The following PDE5A variants were observed in gnomAD, a reference collection of about 807,000 sequenced individuals.
PDE5A encodes cGMP-specific 3',5'-cyclic phosphodiesterase.
In PDE5A, 67 loss-of-function variants were observed where a neutral mutation model predicts 110.2. The ratio of observed to expected loss-of-function variants is 0.61; its 90% CI spans 0.50 to 0.75. The LOEUF is 0.75. PDE5A is among the 30% of genes least tolerant of loss of function. PDE5A has a pLI of 0.00. For missense variants in PDE5A, 862 were observed against 1,045.1 expected, an observed-to-expected ratio of 0.82 and a Z score of 2.42; for synonymous variants, 328 against 351.2, an observed-to-expected ratio of 0.93 and a Z score of 0.74.
At chr4:119,601,695 T>C (rs562976453) in intron 2 of PDE5A, among the ~76,000 whole-genome samples, 4 of 152,266 alleles carry the variant, frequency 2.6e-5, no homozygotes, top group African/African-American at 9.6e-5. Flanking sequence ...GGCAGGCTTG[T>C]GGGATTGAGC....
At chr4:119,526,494 A>G (rs192023783) in intron 11 of PDE5A, among the ~76,000 whole-genome samples, 6 of 152,220 alleles carry the variant, frequency 3.9e-5, no homozygotes. Context: ...CTGACCTTGG[A>G]CCATTTACCC....
chr4:119,518,284 T>C (rs2110467730), intron 14 of PDE5A, among the ~76,000 whole-genome samples: 1 of 152,292 alleles, frequency 6.6e-6, no homozygotes, highest in East Asian at 1.9e-4. Context: ...TAAATTCCTG[T>C]AAGAAAATAA....
In PDE5A at chr4:119,506,540, T is replaced by C. The variant is rs551393136; in HGVS notation, c.2190-608A>G. Among the ~76,000 whole-genome samples the C allele has an allele frequency of 2.6e-5, 4 of 151,702 alleles. No homozygotes were observed. In the South Asian group the frequency reaches 8.3e-4, roughly 31 times the overall value. On this transcript the variant is annotated intron_variant, in intron 16 of 20. Transcript: ENST00000354960. ...TAATATCTACCTGGAGACACAAGAC[T>C]CAAGAAAAACTTACGTAATAAAACT...
At chr4:119,524,064 C>T (rs1159094428) in intron 12 of PDE5A, among the ~76,000 whole-genome samples, 1 of 151,996 alleles carries the variant, frequency 6.6e-6, no homozygotes, top group Admixed American at 6.6e-5. Flanking sequence ...CTGACATGGA[C>T]TCTACACCTG....
intron 3 of PDE5A, among the ~76,000 whole-genome samples, chr4:119,571,896 G>A (rs76411165): frequency 0.012 from 1,813 of 152,240 alleles, 16 homozygotes; most frequent in Middle Eastern, 0.02. Flanking sequence ...TTGGGGCACT[G>A]TTGTGCATAC....
At chr4:119,511,009 C>T (rs1385515179) in intron 15 of PDE5A, 38 bp downstream of exon 15, 1 of 1,141,048 alleles carries the variant, frequency 8.8e-7, no homozygotes, top group South Asian at 1.5e-5. Flanking sequence ...TTATAAAGCT[C>T]TCTTTTAAAA....
chr4:119,581,219 C>T (rs1461964445), intron 3 of PDE5A, among the ~76,000 whole-genome samples: 2 of 151,538 alleles, frequency 1.3e-5, no homozygotes, highest in Non-Finnish European at 2.9e-5. Flanking sequence ...TGGTAAAAAG[C>T]AAGTTTTGTG....
chr4:119,592,456 T>TAAAAAAAAAAAAAAAA lies in PDE5A; in HGVS notation c.831+4051_831+4066dup, dbSNP rs55997249. On this transcript the variant is annotated intron_variant, in intron 3 of 20. Coordinates refer to ENST00000354960, the MANE Select transcript of PDE5A (RefSeq NM_001083.4). ...CTGGGTGACAGAGCGAGACTCTGTT[T>TAAAAAAAAAAAAAAAA]AAAAAAAAAAAAAAAAAAAAAAAAA... Among the ~76,000 whole-genome samples the TAAAAAAAAAAAAAAAA allele has an allele frequency of 3.6e-4, 24 of 66,180 alleles. 3 individuals carry two copies. Among genetic ancestry groups the TAAAAAAAAAAAAAAAA allele is most frequent in the African/African-American group, 1.4e-3 (22 of 15,316 alleles). The allele number at this position is 66,180 out of a possible 152,430, so 43.4% of individuals were successfully genotyped here.
chr4:119,548,449 T>G (rs1382948984), intron 9 of PDE5A: 1 of 152,262 alleles, frequency 6.6e-6, no homozygotes, highest in African/African-American at 2.4e-5. Context: ...AGTTTTAATT[T>G]TACTCAATGA....
chr4:119,525,696 CT>C lies in PDE5A; in HGVS notation c.1633-2del, dbSNP rs764919489. On this transcript the variant is annotated splice_acceptor_variant, in intron 11 of 20. Transcript: ENST00000354960. LOFTEE classifies it high-confidence loss of function. The surrounding 1 kb of genome is among the most constrained non-coding windows in gnomAD (Gnocchi z 4.3). ...TCTGGGCAGATGGCACCACAGCAGC[CT>C]TGGGTAAGGAAAGAAGAAAAAAAAA... 14 of 1,590,230 alleles carry C rather than the reference CT, an allele frequency of 8.8e-6. No individual in the cohort carries two copies. The highest frequency in any genetic ancestry group is 1.1e-5 in the Non-Finnish European group (13 of 1,172,284).
At chr4:119,584,933 G>A (rs887671734) in intron 3 of PDE5A, among the ~76,000 whole-genome samples, 1 of 152,142 alleles carries the variant, frequency 6.6e-6, no homozygotes, top group Non-Finnish European at 1.5e-5. Context: ...CTTATATTAC[G>A]TGCAAACAGA....
intron 12 of PDE5A, among the ~76,000 whole-genome samples, chr4:119,524,411 G>A (rs566556240): frequency 3.9e-5 from 6 of 152,136 alleles, no homozygotes; most frequent in Non-Finnish European, 5.9e-5. Flanking sequence ...CTTAATCAAC[G>A]CACTCTAACA....
At chr4:119,499,834 G>A (rs1316776281) in intron 20 of PDE5A, 6 of 152,144 alleles carry the variant, frequency 3.9e-5, no homozygotes, top group African/African-American at 7.2e-5. Flanking sequence ...TGGGATTACA[G>A]GTGTAAGCCA....
At position 119,627,079 on chromosome 4, in the gene PDE5A, C is replaced by T. The variant is rs1334934288; in HGVS notation, c.152+1441G>A. Reference sequence around the variant, plus strand: ...CACTGGTGCCACCGGGGCGCCACCACCCAGCACCCGAGACCCGCCGCGCCC... The same window carrying T: ...CACTGGTGCCACCGGGGCGCCACCATCCAGCACCCGAGACCCGCCGCGCCC... On this transcript the variant is annotated intron_variant, in intron 1 of 20. Coordinates refer to ENST00000354960, the MANE Select transcript of PDE5A (RefSeq NM_001083.4). The surrounding 1 kb of genome is among the most constrained non-coding windows in gnomAD (Gnocchi z 4.6). 6.3e-7 allele frequency: 1 copy of T among 1,593,642 alleles called. No homozygotes were observed. Among genetic ancestry groups the T allele is most frequent in the Non-Finnish European group, 8.6e-7 (1 of 1,166,038 alleles).
chr4:119,566,460 A>T (rs1187815149), intron 4 of PDE5A, among the ~76,000 whole-genome samples: 1 of 152,208 alleles, frequency 6.6e-6, no homozygotes, highest in Non-Finnish European at 1.5e-5. Context: ...GAATTTATCG[A>T]CAGGTTTACG....
intron 3 of PDE5A, among the ~76,000 whole-genome samples, chr4:119,574,618 G>T (rs1292339530): frequency 7.2e-6 from 1 of 139,576 alleles, no homozygotes; most frequent in African/African-American, 2.6e-5. Context: ...AAAGGGAATG[G>T]AACAATTTCA....
chr4:119,608,810 T>C (rs1729633079), intron 1 of PDE5A, among the ~76,000 whole-genome samples: 1 of 152,182 alleles, frequency 6.6e-6, no homozygotes, highest in African/African-American at 2.4e-5. Flanking sequence ...CAATGTACTA[T>C]TTTGGAGATA....
intron 1 of PDE5A, among the ~76,000 whole-genome samples, chr4:119,622,611 C>T (rs545459423): frequency 3.3e-4 from 50 of 152,126 alleles, no homozygotes; most frequent in Middle Eastern, 3.4e-3. Context: ...CGGTGGCTCA[C>T]GCCTGTAATC....
At chr4:119,503,777 T>G (rs747250557) in intron 18 of PDE5A, among the ~76,000 whole-genome samples, 21 of 152,156 alleles carry the variant, frequency 1.4e-4, no homozygotes, top group African/African-American at 4.6e-4. Context: ...ACTGTGCTAA[T>G]GTAGATGCTC....
Sources: gnomAD v4.1 joint callset for allele counts (sites outside exome capture counted in the v4.1 genomes callset) on GRCh38, gnomAD v4.1.1 for gene constraint, Gnocchi (gnomAD v3.1) non-coding constraint, MANE v1.5 for transcripts, NCBI Gene and HGNC (gene_info 2026-07-23, HGNC 2026-07-21) for gene names.